GRID1: variants seen among roughly 807,000 people sequenced by gnomAD.
GRID1 encodes glutamate ionotropic receptor delta type subunit 1.
GRID1 carries 28 observed loss-of-function variants against 98.0 expected under a neutral mutation model. The observed-to-expected ratio is 0.29, with a 90% CI of 0.21 to 0.39. The LOEUF (loss-of-function observed/expected upper bound fraction) is 0.39. GRID1 is among the 10% of genes least tolerant of loss of function. The pLI is 1.00. For synonymous variants in GRID1, 553 were observed against 538.5 expected (o/e 1.03, Z -0.37); for missense variants, 1,111 against 1,340.5 (o/e 0.83, Z 2.67).
intron 2 of GRID1, among the ~76,000 whole-genome samples, chr10:86,302,995 T>G (rs940700127): frequency 6.6e-6 from 1 of 152,216 alleles, no homozygotes; most frequent in African/African-American, 2.4e-5. Context: ...ATGAATCACA[T>G]GTGTTGTCCT....
At chr10:85,912,585 G>C (rs143515504) in intron 5 of GRID1, among the ~76,000 whole-genome samples, 2 of 152,380 alleles carry the variant, frequency 1.3e-5, no homozygotes, top group Non-Finnish European at 2.9e-5. Flanking sequence ...TAAGGAATGA[G>C]AGGGAGCTGG....
intron 2 of GRID1, among the ~76,000 whole-genome samples, chr10:86,253,431 G>C (rs1846867718): frequency 6.6e-6 from 1 of 152,222 alleles, no homozygotes; most frequent in African/African-American, 2.4e-5. Context: ...TGTGTGCAGG[G>C]AGTGAGGCTT....
rs574475657 is a variant in GRID1 at position 85,740,193 on chromosome 10, TTC to T, written c.1234-10581_1234-10580del. On this transcript the variant is annotated intron_variant, in intron 8 of 15. Transcript: ENST00000327946. ...TATAGTGGGACAAGCCAGGCTGGAA[TTC>T]TGTTTCTTCCACAGATGAGCTTGGG... Among the ~76,000 whole-genome samples the T allele has an allele frequency of 3.9e-5, 6 of 152,308 alleles. No individual in the cohort carries two copies. In the East Asian group the frequency reaches 5.8e-4, roughly 15 times the overall value.
chr10:86,306,478 C>G (rs986946036), intron 2 of GRID1, among the ~76,000 whole-genome samples: 2 of 152,186 alleles, frequency 1.3e-5, no homozygotes, highest in South Asian at 4.1e-4. Flanking sequence ...CAGGGACAGA[C>G]AGGGGAAACT....
At chr10:85,717,602 G>A (rs1353365236) in intron 12 of GRID1, among the ~76,000 whole-genome samples, 1 of 152,184 alleles carries the variant, frequency 6.6e-6, no homozygotes, top group Non-Finnish European at 1.5e-5. Flanking sequence ...GATGGAGGCA[G>A]AGCCAAACCA....
intron 8 of GRID1, among the ~76,000 whole-genome samples, chr10:85,734,636 G>A (rs1170960864): frequency 6.6e-6 from 1 of 152,138 alleles, no homozygotes; most frequent in African/African-American, 2.4e-5. Flanking sequence ...CCAGGATTCA[G>A]GATCCTTCAT....
intron 4 of GRID1, among the ~76,000 whole-genome samples, chr10:85,975,871 T>G (rs1234922232): frequency 6.6e-6 from 1 of 152,238 alleles, no homozygotes; most frequent in African/African-American, 2.4e-5. Flanking sequence ...ATATATTTCA[T>G]CTACATGAAA....
At chr10:86,118,829 G>A (rs983104543) in intron 4 of GRID1, among the ~76,000 whole-genome samples, 1 of 152,100 alleles carries the variant, frequency 6.6e-6, no homozygotes, top group Admixed American at 6.5e-5. Context: ...ATCTAATCAT[G>A]AGAAAAACAT....
At position 86,091,665 on chromosome 10, in the gene GRID1, G is replaced by T. The variant is rs1012397647; in HGVS notation, c.726+47154C>A. On this transcript the variant is annotated intron_variant, in intron 4 of 15. Coordinates refer to ENST00000327946, the MANE Select transcript of GRID1 (RefSeq NM_017551.3). ...GCTTTCCAGAAAGCATCACCTCCTG[G>T]CAGGAGACCAACCAGCACAAAGATA... 3.9e-5 allele frequency among the ~76,000 whole-genome samples: 6 copies of T among 152,066 alleles called. 1 individual carries two copies. Among genetic ancestry groups the T allele is most frequent in the Admixed American group, 1.3e-4 (2 of 15,262 alleles).
At chr10:85,618,462 T>C (rs1262838651) in intron 14 of GRID1, among the ~76,000 whole-genome samples, 1 of 152,208 alleles carries the variant, frequency 6.6e-6, no homozygotes, top group East Asian at 1.9e-4. Flanking sequence ...TCTTTCTTCA[T>C]GCATTTAATC....
intron 4 of GRID1, among the ~76,000 whole-genome samples, chr10:86,064,429 AG>A (rs1265284992): frequency 5.3e-5 from 8 of 152,200 alleles, no homozygotes; most frequent in Non-Finnish European, 1.0e-4. Flanking sequence ...GCCTCACAGA[AG>A]CTGGCCTGGA....
At chr10:85,669,617 C>T (rs578192009) in intron 12 of GRID1, among the ~76,000 whole-genome samples, 3 of 152,282 alleles carry the variant, frequency 2.0e-5, no homozygotes, top group South Asian at 2.1e-4. Context: ...CTCCCAGCCC[C>T]GCTTCTCATG....
At chr10:86,053,615 A>G (rs887866862) in intron 4 of GRID1, among the ~76,000 whole-genome samples, 1 of 152,084 alleles carries the variant, frequency 6.6e-6, no homozygotes, top group African/African-American at 2.4e-5. Flanking sequence ...CGGCCTCCCA[A>G]AGTGCTGGGA....
At chr10:85,961,408 C>A (rs573893121) in intron 4 of GRID1, among the ~76,000 whole-genome samples, 1 of 152,198 alleles carries the variant, frequency 6.6e-6, no homozygotes, top group South Asian at 2.1e-4. Flanking sequence ...CACAGTGAAG[C>A]CCAGACCAGT....
At chr10:86,035,408 C>A (rs1002021078) in intron 4 of GRID1, among the ~76,000 whole-genome samples, 3 of 152,190 alleles carry the variant, frequency 2.0e-5, no homozygotes, top group African/African-American at 7.2e-5. Flanking sequence ...AAATTTGCAG[C>A]CTTTTAATTT....
chr10:86,163,002 A>G (rs530588856), intron 3 of GRID1, among the ~76,000 whole-genome samples: 1 of 152,306 alleles, frequency 6.6e-6, no homozygotes, highest in East Asian at 1.9e-4. Context: ...GGCCTGTACT[A>G]AGTAAGTAGC....
At chr10:85,927,710 C>T (rs1236283697) in intron 4 of GRID1, among the ~76,000 whole-genome samples, 2 of 152,176 alleles carry the variant, frequency 1.3e-5, no homozygotes, top group Non-Finnish European at 2.9e-5. Context: ...CAATATTTCA[C>T]AGGACACTGA....
At chr10:85,728,105 A>G in intron 9 of GRID1, 53 bp from the exon 10 acceptor site, 1 of 1,188,342 alleles carries the variant, frequency 8.4e-7, no homozygotes, top group Admixed American at 1.7e-5. Context: ...TCATCAACAC[A>G]TATTTCCAGT....
intron 2 of GRID1, among the ~76,000 whole-genome samples, chr10:86,210,159 G>A (rs1375222179): frequency 6.6e-6 from 1 of 152,156 alleles, no homozygotes; most frequent in African/African-American, 2.4e-5. Flanking sequence ...TGGCACCAGG[G>A]CCTCAAAGGA....
Sources: gnomAD v4.1 joint callset for allele counts (sites outside exome capture counted in the v4.1 genomes callset) on GRCh38, gnomAD v4.1.1 for gene constraint, MANE v1.5 for transcripts, NCBI Gene and HGNC (gene_info 2026-07-23, HGNC 2026-07-21) for gene names.